The following FAM219A variants were observed in gnomAD, a reference collection of about 807,000 sequenced individuals.
FAM219A encodes the protein protein FAM219A.
FAM219A carries 7 observed loss-of-function variants against 23.4 expected under a neutral mutation model. The ratio of observed to expected loss-of-function variants is 0.30; its 90% CI spans 0.17 to 0.56. FAM219A has a LOEUF of 0.56. Among genes scored for constraint, FAM219A ranks in the 20% least tolerant of loss-of-function variants. FAM219A has a pLI of 0.92. For missense variants in FAM219A, 166 were observed against 246.9 expected (o/e 0.67, Z 2.20); for synonymous variants, 93 against 99.0 (o/e 0.94, Z 0.36).
At chr9:34,452,315 A>G (rs1363298672) in intron 1 of FAM219A, among the ~76,000 whole-genome samples, 1 of 152,180 alleles carries the variant, frequency 6.6e-6, no homozygotes, top group African/African-American at 2.4e-5. Flanking sequence ...CAGTAGAGCA[A>G]AGGAAAACAG....
At chr9:34,406,283 C>T in intron 1 of FAM219A, 1 of 985,200 alleles carries the variant, frequency 1.0e-6, no homozygotes, top group Non-Finnish European at 1.2e-6. Context: ...TCTCCTAACT[C>T]CCATACTAGT....
At chr9:34,447,012 G>A (rs573566509) in intron 1 of FAM219A, among the ~76,000 whole-genome samples, 1 of 152,288 alleles carries the variant, frequency 6.6e-6, no homozygotes, top group East Asian at 1.9e-4. Context: ...GCACTAGCTC[G>A]CTTTAAAGGT....
At chr9:34,443,969 C>T (rs1823278036) in intron 1 of FAM219A, among the ~76,000 whole-genome samples, 1 of 152,160 alleles carries the variant, frequency 6.6e-6, no homozygotes, top group African/African-American at 2.4e-5. Context: ...AAATACCAAC[C>T]CTCAACTTGG....
chr9:34,407,627 C>T (rs1821685086), intron 1 of FAM219A, among the ~76,000 whole-genome samples: 2 of 152,190 alleles, frequency 1.3e-5, no homozygotes, highest in South Asian at 4.1e-4. Context: ...AAGACAGGCC[C>T]TCTGGGAGGC....
intron 1 of FAM219A, among the ~76,000 whole-genome samples, chr9:34,449,838 A>G (rs1470423534): frequency 1.3e-5 from 2 of 152,216 alleles, no homozygotes; most frequent in African/African-American, 4.8e-5. Context: ...GGGCATTGTG[A>G]TGGGATAGAG....
At chr9:34,431,415 C>T (rs1468558224) in intron 1 of FAM219A, among the ~76,000 whole-genome samples, 1 of 152,202 alleles carries the variant, frequency 6.6e-6, no homozygotes, top group Non-Finnish European at 1.5e-5. Flanking sequence ...CCAGATTCTC[C>T]TCCCTGTCAC....
In FAM219A at chr9:34,439,175, C is replaced by T. The variant is rs1027499475; in HGVS notation, c.60+19029G>A. ...CAGAAGGAACACACTCCGGACACGC[C>T]GCCTTTAAGAACTGTAACACTCACC... is the stretch of plus-strand genomic sequence containing the variant. On this transcript the variant is annotated intron_variant, in intron 1 of 5. Transcript: ENST00000651358. 3.9e-5 allele frequency among the ~76,000 whole-genome samples: 6 copies of T among 152,280 alleles called. No individual in the cohort carries two copies. In the East Asian group the frequency reaches 5.8e-4, roughly 15 times the overall value.
intron 1 of FAM219A, among the ~76,000 whole-genome samples, chr9:34,445,292 A>G (rs1198378988): frequency 6.6e-6 from 1 of 152,234 alleles, no homozygotes. Flanking sequence ...TATCTTGTCA[A>G]GGAGATCAAA....
chr9:34,418,166 G>T (rs1348064413), intron 1 of FAM219A, among the ~76,000 whole-genome samples: 1 of 150,750 alleles, frequency 6.6e-6, no homozygotes, highest in Non-Finnish European at 1.5e-5. Context: ...GGAGAGAAAA[G>T]GATGGTGAAA....
intron 1 of FAM219A, among the ~76,000 whole-genome samples, chr9:34,425,707 C>T (rs1302516313): frequency 6.6e-6 from 1 of 152,064 alleles, no homozygotes; most frequent in Non-Finnish European, 1.5e-5. Context: ...TGCAGGAAAG[C>T]CAGGCTCACA....
intron 1 of FAM219A, among the ~76,000 whole-genome samples, chr9:34,447,788 T>C (rs956014225): frequency 6.6e-6 from 1 of 152,224 alleles, no homozygotes; most frequent in African/African-American, 2.4e-5. Context: ...ACCTGGCCTA[T>C]TTATTTCAAA....
chr9:34,414,939 CTTCT>C (rs1318862096), intron 1 of FAM219A, among the ~76,000 whole-genome samples: 11 of 152,002 alleles, frequency 7.2e-5, no homozygotes, highest in African/African-American at 2.4e-4. Flanking sequence ...TCTTTGTTTC[CTTCT>C]TTGTCATTTT....
intron 1 of FAM219A, among the ~76,000 whole-genome samples, chr9:34,439,035 C>T (rs557939078): frequency 6.4e-4 from 97 of 151,600 alleles, no homozygotes; most frequent in Non-Finnish European, 1.1e-3. Context: ...CGAACAACTC[C>T]AGAGGCGCTG....
At chr9:34,409,984 T>G (rs765990144) in intron 1 of FAM219A, among the ~76,000 whole-genome samples, 7 of 152,214 alleles carry the variant, frequency 4.6e-5, no homozygotes, top group Non-Finnish European at 8.8e-5. Context: ...ATCAACAGCT[T>G]CAACAAATAT....
At chr9:34,443,612 C>T (rs534663726) in intron 1 of FAM219A, among the ~76,000 whole-genome samples, 30 of 152,276 alleles carry the variant, frequency 2.0e-4, no homozygotes, top group African/African-American at 6.7e-4. Flanking sequence ...CATACATGAT[C>T]TTATTTATTT....
intron 1 of FAM219A, among the ~76,000 whole-genome samples, chr9:34,410,405 C>G (rs553258089): frequency 6.6e-6 from 1 of 152,078 alleles, no homozygotes; most frequent in African/African-American, 2.4e-5. Context: ...AAGGCTCATG[C>G]CTGGAGTCTT....
Position 34,399,073 on chromosome 9 carries a change from T to C in FAM219A, c.*1891A>G, listed in dbSNP as rs566036366. On this transcript the variant is annotated 3_prime_UTR_variant, in exon 6 of 6. Transcript: ENST00000651358. ...CCAACAGTCTCACTCCCTCCTCTCA[T>C]TGCTCCCCATTCCAGCTCCCACCTC... The C allele has an allele frequency of 1.3e-5, 2 of 152,206 alleles. No individual in the cohort carries two copies. The highest frequency in any genetic ancestry group is 2.1e-4 in the South Asian group (1 of 4,808). 9.4% of individuals were successfully genotyped at this position (152,206 alleles called of 1,614,324 possible).
chr9:34,423,484 T>G (rs1822351748), intron 1 of FAM219A, among the ~76,000 whole-genome samples: 1 of 152,198 alleles, frequency 6.6e-6, no homozygotes, highest in South Asian at 2.1e-4. Flanking sequence ...TTTACTAGAA[T>G]GTTAATGTTA....
chr9:34,407,736 C>T (rs563655160), intron 1 of FAM219A, among the ~76,000 whole-genome samples: 6 of 152,142 alleles, frequency 3.9e-5, no homozygotes, highest in Non-Finnish European at 7.3e-5. Context: ...GCCTAAGGTG[C>T]GAGGAGTGCA....
Sources: allele counts gnomAD v4.1 joint callset (sites outside exome capture counted in the v4.1 genomes callset), GRCh38; gene constraint gnomAD v4.1.1; transcripts MANE v1.5; gene names NCBI Gene and HGNC (gene_info 2026-07-23, HGNC 2026-07-21).